SUPT16H: variants seen among roughly 807,000 people sequenced by gnomAD.
The protein encoded by SUPT16H is FACT complex subunit SPT16.
SUPT16H carries 24 observed loss-of-function variants against 136.2 expected under a neutral mutation model. The ratio of observed to expected loss-of-function variants is 0.18; its 90% CI spans 0.13 to 0.25. The LOEUF is 0.25. Among genes scored for constraint, SUPT16H ranks in the 10% least tolerant of loss-of-function variants. The pLI is 1.00. For missense variants in SUPT16H, 623 were observed against 1,270.2 expected (o/e 0.49, Z 7.74); for synonymous variants, 415 against 428.2 (o/e 0.97, Z 0.38).
At position 21,357,869 on chromosome 14, in the gene SUPT16H, T is replaced by C. The variant is rs573828048; in HGVS notation, c.2490+58A>G. 206 of 1,479,248 alleles carry C rather than the reference T, an allele frequency of 1.4e-4. No individual in the cohort carries two copies. In the South Asian group the frequency reaches 1.5e-3, roughly 11 times the overall value. 91.6% of individuals were successfully genotyped at this position (1,479,248 alleles called of 1,614,324 possible). A position where few individuals can be genotyped will look rare whatever the true frequency, so the allele number is the denominator to read the frequency against. On this transcript the variant is annotated intron_variant, in intron 21 of 25. Transcript: ENST00000216297. ...GACAATAATTAGGATAAAAAACACC[T>C]ATCCTTCTTTATTTTCTCTAACAAT...
At chr14:21,372,517 G>GT (rs878915317) in intron 2 of SUPT16H, 2 of 320,304 alleles carry the variant, frequency 6.2e-6, no homozygotes, top group South Asian at 5.1e-5. Flanking sequence ...TGGCCAATAG[G>GT]TAAAAAATGG....
rs2139408860 is a variant in SUPT16H, at chr14:21,367,978, AAT to A, written c.955+289_955+290del. 2.0e-5 allele frequency among the ~76,000 whole-genome samples: 3 copies of A among 152,302 alleles called. No homozygotes were observed. The East Asian group carries it at 5.8e-4, about 29-fold the overall frequency. ...CAATCATAGCTCACTGCCGAGGTAT[AAT>A]CGCAACTCACTGCAGCCTTGACCAT... is the stretch of plus-strand genomic sequence containing the variant. On this transcript the variant is annotated intron_variant, in intron 7 of 25. Coordinates refer to ENST00000216297, the MANE Select transcript of SUPT16H (RefSeq NM_007192.4).
rs61274447 is a variant in SUPT16H, at chr14:21,368,504, T to C, written c.783-63A>G. 990 of 1,493,432 alleles carry C rather than the reference T, an allele frequency of 6.6e-4. 2 individuals carry two copies. In the African/African-American group the frequency reaches 0.013, roughly 19 times the overall value. The allele number at this position is 1,493,432 out of a possible 1,614,324, so 92.5% of individuals were successfully genotyped here. A position where few individuals can be genotyped will look rare whatever the true frequency, so the allele number is the denominator to read the frequency against. ...AAACTAGCAAAGTCCTTGGTATCAA[T>C]GGGACACGGTATCAATAATCATTAC... On this transcript the variant is annotated intron_variant, in intron 6 of 25. Coordinates refer to ENST00000216297, the MANE Select transcript of SUPT16H (RefSeq NM_007192.4).
chr14:21,360,472 A>G lies in SUPT16H; in HGVS notation c.2118T>C (p.His706=). The G allele has an allele frequency of 6.2e-7, 1 of 1,614,186 alleles. No homozygotes were observed. Residue 706 remains histidine, a synonymous_variant, in exon 18 of 26, where the codon CAT becomes CAC. Coordinates refer to ENST00000216297, the MANE Select transcript of SUPT16H (RefSeq NM_007192.4). ...KVDILYNNIK[H]ALFQPCDGEM... ...CTCCATCACAGGGCTGGAACAAAGCATGCTTAATATTATTGTACAAAATAT... is the reference window on the plus strand; with the variant it reads ...CTCCATCACAGGGCTGGAACAAAGCGTGCTTAATATTATTGTACAAAATAT...
chr14:21,369,706 C>T (rs1297596638), intron 5 of SUPT16H, 44 bp downstream of exon 5: 3 of 1,609,300 alleles, frequency 1.9e-6, no homozygotes, highest in South Asian at 2.2e-5. Flanking sequence ...AGACTTATTA[C>T]TGCTTCATTA....
At position 21,365,106 on chromosome 14, in the gene SUPT16H, C is replaced by G. The variant is rs575783306; in HGVS notation, c.1084G>C (p.Val362Leu). The G allele has an allele frequency of 6.2e-7, 1 of 1,613,824 alleles. No homozygotes were observed. The highest frequency in any genetic ancestry group is 1.7e-5 in the Admixed American group (1 of 59,984). Residue 362 changes from valine (V) to leucine (L), a missense_variant, in exon 9 of 26, where the codon GTA becomes CTA. Val to Leu is a conservative substitution (Grantham distance 32, BLOSUM62 1). Around this residue, in one of 7 missense-constraint regions of SUPT16H, gnomAD observed 343 missense variants for 525.7 expected, o/e 0.65. Transcript: ENST00000216297. Reference sequence around the variant, plus strand: ...TTGTATTGATTTTTGCTATTGATTACTAGGGAGCCTTCACGGAATTCAATT... The same window carrying G: ...TTGTATTGATTTTTGCTATTGATTAGTAGGGAGCCTTCACGGAATTCAATT... ...MGIEFREGSL[V>L]INSKNQYKLK... is the part of the protein sequence containing the mutation.
chr14:21,355,359 A>G (rs776709817), intron 22 of SUPT16H, among the ~76,000 whole-genome samples: 32 of 151,948 alleles, frequency 2.1e-4, no homozygotes, highest in Non-Finnish European at 3.7e-4. Flanking sequence ...CAGGCATGGT[A>G]GCACGCGCCT....
In SUPT16H at chr14:21,368,334, T is replaced by C; in HGVS notation, c.890A>G (p.Glu297Gly). ...CAAAAAGTTATAATTTTCTTGAACT[T>C]CTTGAGAAGGATCAACCATCAAAGT... ...VRTLMVDPSQ[E>G]VQENYNFLLQ... The change falls in exon 7 of 26, where the codon GAA becomes GGA. Residue 297 changes from glutamate to glycine, a missense_variant. By Grantham distance (98) the Glu-to-Gly change is moderately conservative. Around this residue, in one of 7 missense-constraint regions of SUPT16H, gnomAD observed 343 missense variants for 525.7 expected, o/e 0.65. Coordinates refer to ENST00000216297, the MANE Select transcript of SUPT16H (RefSeq NM_007192.4). 6.2e-7 allele frequency: 1 copy of C among 1,614,108 alleles called. No homozygotes were observed. The highest frequency in any genetic ancestry group is 1.3e-5 in the African/African-American group (1 of 75,052).
In SUPT16H at chr14:21,371,958, C is replaced by G; in HGVS notation, c.246G>C (p.Val82=). 1 of 1,614,036 alleles carries G rather than the reference C, an allele frequency of 6.2e-7. No homozygotes were observed. Among genetic ancestry groups the G allele is most frequent in the Non-Finnish European group, 8.5e-7 (1 of 1,180,000 alleles). Residue 82 remains valine (V), a synonymous_variant, in exon 3 of 26, where the codon GTG becomes GTC. Transcript: ENST00000216297. ...KIIFMASKKK[V]EFLKQIANTK... is the part of the protein sequence containing the mutation. ...TGTTGGCAATCTGTTTCAAGAACTC[C>G]ACTTTTTTCTTGCTGGCCATAAAGA... is the stretch of plus-strand genomic sequence containing the variant.
chr14:21,365,198 A>G lies in SUPT16H; in HGVS notation c.1047-55T>C, dbSNP rs1350561696. ...AGGCTAAAGATCTCTAACATGGATC[A>G]AGCATAACATATTCATTTCAACTTT... On this transcript the variant is annotated intron_variant, in intron 8 of 25. Coordinates refer to ENST00000216297, the MANE Select transcript of SUPT16H (RefSeq NM_007192.4). 4 of 1,485,232 alleles carry G rather than the reference A, an allele frequency of 2.7e-6. No homozygotes were observed. The South Asian group carries it at 4.7e-5, about 17-fold the overall frequency. 92.0% of individuals were successfully genotyped at this position (1,485,232 alleles called of 1,614,324 possible).
In SUPT16H at chr14:21,357,904, AAAAG is replaced by A; in HGVS notation, c.2490+19_2490+22del. On this transcript the variant is annotated intron_variant, in intron 21 of 25. Transcript: ENST00000216297. ...TATTTTCTCTAACAATTTTCTTACT[AAAAG>A]AAAGTAAGAAACACTCACCCATTCC... 1.2e-6 allele frequency: 2 copies of A among 1,603,110 alleles called. No individual in the cohort carries two copies. The highest frequency in any genetic ancestry group is 1.7e-6 in the Non-Finnish European group (2 of 1,171,542).
intron 7 of SUPT16H, among the ~76,000 whole-genome samples, chr14:21,367,470 A>G (rs1219370963): frequency 1.3e-5 from 2 of 152,212 alleles, no homozygotes; most frequent in Non-Finnish European, 2.9e-5. Flanking sequence ...GCTAAAAAGT[A>G]GTCTAGATAT....
At chr14:21,370,569 T>C (rs1886764560) in intron 3 of SUPT16H, 81 bp from the exon 4 acceptor site, 1 of 1,438,008 alleles carries the variant, frequency 7.0e-7, no homozygotes, top group South Asian at 1.3e-5. Flanking sequence ...GGTAGAATAA[T>C]ATTCTAAACT....
At position 21,359,464 on chromosome 14, in the gene SUPT16H, C is replaced by T. The variant is rs1183224134; in HGVS notation, c.2301+20G>A. The stretch of plus-strand genomic sequence containing the variant: ...ATCCTCCCTCACTATCCTGCAAATA[C>T]AATACTAAATTTCACAAACCTGCTC... On this transcript the variant is annotated intron_variant, in intron 19 of 25. Coordinates refer to ENST00000216297, the MANE Select transcript of SUPT16H (RefSeq NM_007192.4). 6.2e-7 allele frequency: 1 copy of T among 1,610,478 alleles called. No individual in the cohort carries two copies. The highest frequency in any genetic ancestry group is 8.5e-7 in the Non-Finnish European group (1 of 1,179,058).
At position 21,370,468 on chromosome 14, in the gene SUPT16H, G is replaced by A. The variant is rs758501397; in HGVS notation, c.351C>T (p.Ser117=). 1.1e-5 allele frequency: 17 copies of A among 1,613,902 alleles called. No individual in the cohort carries two copies. Among genetic ancestry groups the A allele is most frequent in the African/African-American group, 2.7e-5 (2 of 74,902 alleles). ...TAATGGCTTCAATCATTTTGTCAAA[G>A]CTACTCTTATTACTTTCATTCTGTC... is the stretch of plus-strand genomic sequence containing the variant. ...IREKNESNKS[S]FDKMIEAIKE... The change falls in exon 4 of 26, where the codon AGC becomes AGT. Residue 117 remains serine, a synonymous_variant. Transcript: ENST00000216297.
chr14:21,365,049 C>T, intron 9 of SUPT16H, 21 bp downstream of exon 9: 1 of 1,611,486 alleles, frequency 6.2e-7, no homozygotes, highest in Non-Finnish European at 8.5e-7. Context: ...AAAGCATTTT[C>T]CTATTGTATG....
intron 1 of SUPT16H, among the ~76,000 whole-genome samples, chr14:21,382,446 T>C (rs1475681662): frequency 2.0e-5 from 3 of 152,212 alleles, no homozygotes; most frequent in Non-Finnish European, 4.4e-5. Flanking sequence ...TAATTTGTCA[T>C]GTAGAGGAAG....
chr14:21,371,472 A>G (rs1886784295), intron 3 of SUPT16H, among the ~76,000 whole-genome samples: 2 of 152,200 alleles, frequency 1.3e-5, no homozygotes, highest in Admixed American at 1.3e-4. Flanking sequence ...TAAGTGAACA[A>G]TATTCTGAGA....
At chr14:21,361,283 T>A in intron 15 of SUPT16H, 70 bp from the exon 16 acceptor site, 1 of 1,486,042 alleles carries the variant, frequency 6.7e-7, no homozygotes, top group Non-Finnish European at 9.4e-7. Flanking sequence ...ATTTACTTTA[T>A]CTTCTAAGCA....
Sources: gnomAD v4.1 joint callset for allele counts (sites outside exome capture counted in the v4.1 genomes callset) on GRCh38, gnomAD v4.1.1 for gene constraint, gnomAD v4.1.1 regional missense constraint, MANE v1.5 for transcripts, NCBI Gene and HGNC (gene_info 2026-07-23, HGNC 2026-07-21) for gene names.